The following VPS13B variants were observed in gnomAD, a reference collection of about 807,000 sequenced individuals.
VPS13B encodes the protein intermembrane lipid transfer protein VPS13B.
In VPS13B, 285 loss-of-function variants were observed where a neutral mutation model predicts 426.4. The observed-to-expected ratio is 0.67, with a 90% confidence interval of 0.61 to 0.74. The LOEUF (loss-of-function observed/expected upper bound fraction) is 0.74. Ranked by LOEUF, VPS13B falls within the 30% of genes least tolerant of loss-of-function variation. The pLI is 0.00. For missense variants in VPS13B, 4,537 were observed against 4,782.6 expected (o/e 0.95, Z 1.51); for synonymous variants, 1,676 against 1,676.4 (o/e 1.00, Z 0.01).
intron 23 of VPS13B, among the ~76,000 whole-genome samples, chr8:99,460,893 G>A (rs939417260): frequency 3.3e-5 from 5 of 152,170 alleles, no homozygotes; most frequent in Non-Finnish European, 5.9e-5. Context: ...CTGTGGTAGA[G>A]ATAGAAATGA....
At chr8:99,445,896 A>G (rs1012742753) in intron 23 of VPS13B, among the ~76,000 whole-genome samples, 2 of 152,368 alleles carry the variant, frequency 1.3e-5, no homozygotes, top group Non-Finnish European at 1.5e-5. Flanking sequence ...AACTTTCTCA[A>G]CAAAGTGCCA....
chr8:99,385,268 A>C (rs1814052578), intron 20 of VPS13B, among the ~76,000 whole-genome samples: 1 of 152,192 alleles, frequency 6.6e-6, no homozygotes. Flanking sequence ...CAGAACTAAG[A>C]ATTTTTGAGG....
At chr8:99,528,186 TA>T (rs1342186748) in intron 30 of VPS13B, among the ~76,000 whole-genome samples, 12 of 152,118 alleles carry the variant, frequency 7.9e-5, no homozygotes, top group Non-Finnish European at 2.9e-5. Context: ...TGATTCTGAG[TA>T]CTATGTGTAA....
chr8:99,621,065 A>G (rs1828329945), intron 33 of VPS13B, among the ~76,000 whole-genome samples: 1 of 151,830 alleles, frequency 6.6e-6, no homozygotes, highest in African/African-American at 2.4e-5. Flanking sequence ...ATCTTCATAA[A>G]TCTTGCAGAC....
intron 1 of VPS13B, 97 bp from the exon 2 acceptor site, chr8:99,013,663 C>G (rs1841439109): frequency 5.1e-6 from 6 of 1,178,496 alleles, no homozygotes; most frequent in Admixed American, 1.8e-5. Context: ...GGCGAACGGC[C>G]GCTTTGGTGG....
chr8:99,207,978 A>C (rs1476811227), intron 17 of VPS13B, among the ~76,000 whole-genome samples: 7 of 152,196 alleles, frequency 4.6e-5, no homozygotes, highest in Non-Finnish European at 1.0e-4. Context: ...TTAAAAATGG[A>C]CAAGAGTTAA....
At chr8:99,696,783 A>C (rs903554686) in intron 35 of VPS13B, 2 of 1,411,414 alleles carry the variant, frequency 1.4e-6, no homozygotes, top group African/African-American at 2.8e-5. Flanking sequence ...CGTTTTTCCA[A>C]ATTATTTGAG....
intron 30 of VPS13B, among the ~76,000 whole-genome samples, chr8:99,535,838 A>C (rs1051618240): frequency 7.2e-5 from 11 of 152,208 alleles, no homozygotes; most frequent in African/African-American, 2.7e-4. Flanking sequence ...ATCAATGTTT[A>C]CATTGTGAAA....
At chr8:99,038,648 A>G (rs927706274) in intron 3 of VPS13B, 82 bp downstream of exon 3, 52 of 1,165,056 alleles carry the variant, frequency 4.5e-5, no homozygotes, top group Non-Finnish European at 5.9e-5. Flanking sequence ...AAATATGCCA[A>G]CTGTTACATA....
At chr8:99,851,849 G>C (rs912690171) in intron 55 of VPS13B, among the ~76,000 whole-genome samples, 1 of 152,082 alleles carries the variant, frequency 6.6e-6, no homozygotes, top group African/African-American at 2.4e-5. Flanking sequence ...TTTGAACATA[G>C]AAGTGACACC....
intron 19 of VPS13B, among the ~76,000 whole-genome samples, chr8:99,376,774 T>G (rs1244809383): frequency 6.6e-6 from 1 of 152,120 alleles, no homozygotes; most frequent in African/African-American, 2.4e-5. Flanking sequence ...TGCATACATT[T>G]AAATTTATAT....
chr8:99,720,067 C>T (rs947652990), intron 37 of VPS13B, among the ~76,000 whole-genome samples: 3 of 152,112 alleles, frequency 2.0e-5, no homozygotes, highest in Non-Finnish European at 4.4e-5. Flanking sequence ...TAAATTAATT[C>T]ATAAACATTA....
chr8:99,325,481 A>G (rs1810199055), intron 19 of VPS13B, among the ~76,000 whole-genome samples: 1 of 152,166 alleles, frequency 6.6e-6, no homozygotes, highest in Non-Finnish European at 1.5e-5. Flanking sequence ...TTTCATTGTT[A>G]TTTGTTCTTC....
chr8:99,307,842 A>G (rs1820725124), intron 19 of VPS13B, among the ~76,000 whole-genome samples: 1 of 152,072 alleles, frequency 6.6e-6, no homozygotes, highest in Non-Finnish European at 1.5e-5. Flanking sequence ...TTGAGGTACA[A>G]CATTAGATAT....
At chr8:99,523,570 G>T (rs1350058816) in intron 30 of VPS13B, among the ~76,000 whole-genome samples, 1 of 152,224 alleles carries the variant, frequency 6.6e-6, no homozygotes, top group Non-Finnish European at 1.5e-5. Flanking sequence ...AAGAGAGCAA[G>T]AGTCTTTGCC....
chr8:99,733,080 A>C (rs75736997), intron 39 of VPS13B, among the ~76,000 whole-genome samples: 2,929 of 152,324 alleles, frequency 0.019, 101 homozygotes, highest in African/African-American at 0.067. Flanking sequence ...AGTATTAAAA[A>C]TGTTTGGGGT....
chr8:99,211,436 T>G (rs895210289), intron 17 of VPS13B, among the ~76,000 whole-genome samples: 3 of 152,122 alleles, frequency 2.0e-5, no homozygotes, highest in Non-Finnish European at 4.4e-5. Flanking sequence ...AAGACAATCA[T>G]CTTTTATATT....
chr8:99,120,572 C>G (rs1847887078), intron 7 of VPS13B: 1 of 152,200 alleles, frequency 6.6e-6, no homozygotes, highest in Non-Finnish European at 1.5e-5. Context: ...AAAGGTATAA[C>G]ATATCTTACT....
chr8:99,289,976 T>G (rs918957083), intron 19 of VPS13B, among the ~76,000 whole-genome samples: 2 of 152,066 alleles, frequency 1.3e-5, no homozygotes, highest in Admixed American at 6.6e-5. Context: ...AAGCATCTAG[T>G]GAGTGGAGGA....
Sources: gnomAD v4.1 joint callset for allele counts (sites outside exome capture counted in the v4.1 genomes callset) on GRCh38, gnomAD v4.1.1 for gene constraint, MANE v1.5 for transcripts, NCBI Gene and HGNC (gene_info 2026-07-23, HGNC 2026-07-21) for gene names.